The following TENM4 variants were observed in gnomAD, a reference collection of about 807,000 sequenced individuals.
The protein encoded by TENM4 is teneurin-4.
In TENM4, 82 loss-of-function variants were observed where a neutral mutation model predicts 243.3. The ratio of observed to expected loss-of-function variants is 0.34; its 90% CI spans 0.28 to 0.40. TENM4 has a LOEUF of 0.40. Ranked by LOEUF, TENM4 falls within the 10% of genes least tolerant of loss-of-function variation. The pLI is 1.00. For synonymous variants in TENM4, 1,412 were observed against 1,456.3 expected, an observed-to-expected ratio of 0.97 and a Z score of 0.69; for missense variants, 3,138 against 3,673.3, an observed-to-expected ratio of 0.85 and a Z score of 3.77.
At chr11:78,900,724 A>C (rs1855910031) in intron 7 of TENM4, among the ~76,000 whole-genome samples, 1 of 152,144 alleles carries the variant, frequency 6.6e-6, no homozygotes, top group African/African-American at 2.4e-5. Flanking sequence ...GCCAGCTAGT[A>C]AGCGTTAAAG....
At chr11:78,712,310 A>G (rs1859415605) in intron 26 of TENM4, among the ~76,000 whole-genome samples, 172 bp downstream of exon 26, 1 of 152,220 alleles carries the variant, frequency 6.6e-6, no homozygotes, top group African/African-American at 2.4e-5. Context: ...AGAAGACAGG[A>G]AATGTTAACT....
At chr11:78,949,844 C>T (rs1000143921) in intron 6 of TENM4, among the ~76,000 whole-genome samples, 3 of 152,114 alleles carry the variant, frequency 2.0e-5, no homozygotes, top group African/African-American at 7.2e-5. Flanking sequence ...TAGGAAAGCA[C>T]AGTACAGAAC....
At chr11:78,816,851 C>A (rs1204695444) in intron 12 of TENM4, among the ~76,000 whole-genome samples, 1 of 152,156 alleles carries the variant, frequency 6.6e-6, no homozygotes, top group Non-Finnish European at 1.5e-5. Context: ...TCAACTGTTG[C>A]ATGAGGCATA....
chr11:78,676,172 C>G lies in TENM4; in HGVS notation c.5476G>C (p.Val1826Leu). The G allele has an allele frequency of 6.5e-7, 1 of 1,531,014 alleles. No individual in the cohort carries two copies. Among genetic ancestry groups the G allele is most frequent in the Non-Finnish European group, 8.9e-7 (1 of 1,129,356 alleles). 94.8% of individuals were successfully genotyped at this position (1,531,014 alleles called of 1,614,324 possible). A position where few individuals can be genotyped will look rare whatever the true frequency, so the allele number is the denominator to read the frequency against. ...CTCACCCGCAGCCGGCGCCCAAAGA[C>G]AGTGACCTGGCCCCGAGCCTGCTCT... ...RKEQARGQVT[V>L]FGRRLRVHNR... Residue 1826 changes from valine (V) to leucine (L), a missense_variant, in exon 30 of 34, where the codon GTC becomes CTC. Val to Leu is a conservative substitution (Grantham distance 32, BLOSUM62 1). Coordinates refer to ENST00000278550, the MANE Select transcript of TENM4 (RefSeq NM_001098816.3).
At chr11:78,864,167 A>G (rs2136226010) in intron 9 of TENM4, among the ~76,000 whole-genome samples, 1 of 152,284 alleles carries the variant, frequency 6.6e-6, no homozygotes, top group Non-Finnish European at 1.5e-5. Flanking sequence ...AAGGATAGAG[A>G]TACTATGGAT....
At chr11:78,662,049 C>A (rs548643598) in intron 32 of TENM4, among the ~76,000 whole-genome samples, 1 of 152,284 alleles carries the variant, frequency 6.6e-6, no homozygotes, top group Admixed American at 6.5e-5. Flanking sequence ...TCCCACCCTC[C>A]TGTGCAGTAA....
intron 6 of TENM4, among the ~76,000 whole-genome samples, chr11:78,977,908 T>C (rs1430755552): frequency 6.6e-6 from 1 of 152,170 alleles, no homozygotes; most frequent in Non-Finnish European, 1.5e-5. Context: ...TGCATACATA[T>C]GTTTATTGCA....
intron 10 of TENM4, among the ~76,000 whole-genome samples, chr11:78,859,483 C>A (rs1006923292): frequency 3.3e-5 from 5 of 152,170 alleles, no homozygotes; most frequent in African/African-American, 1.2e-4. Context: ...GCAATCATGT[C>A]TATAAAAGAA....
At chr11:78,962,992 G>A (rs1321550735) in intron 6 of TENM4, among the ~76,000 whole-genome samples, 1 of 152,212 alleles carries the variant, frequency 6.6e-6, no homozygotes, top group Non-Finnish European at 1.5e-5. Flanking sequence ...TCTGGAACCT[G>A]CCTAAAAGCA....
chr11:78,952,873 T>C (rs779662677), intron 6 of TENM4, among the ~76,000 whole-genome samples: 11 of 152,180 alleles, frequency 7.2e-5, no homozygotes, highest in Non-Finnish European at 1.3e-4. Context: ...GTCACTGAGA[T>C]AGTGGGGAAA....
At chr11:79,400,152 A>C (rs1858432083) in intron 1 of TENM4, among the ~76,000 whole-genome samples, 1 of 125,428 alleles carries the variant, frequency 8.0e-6, no homozygotes, top group African/African-American at 2.8e-5. Flanking sequence ...CACACCCTCC[A>C]GGATTATTTC....
chr11:79,301,828 G>C (rs963460410), intron 1 of TENM4, among the ~76,000 whole-genome samples: 8 of 152,152 alleles, frequency 5.3e-5, no homozygotes, highest in African/African-American at 1.9e-4. Flanking sequence ...CCAGTCATGT[G>C]AAGTATCGGC....
At chr11:78,826,647 T>C (rs1857858864) in intron 12 of TENM4, among the ~76,000 whole-genome samples, 1 of 152,164 alleles carries the variant, frequency 6.6e-6, no homozygotes, top group African/African-American at 2.4e-5. Context: ...CTGTCCCTTA[T>C]CATCTGGAGT....
intron 7 of TENM4, among the ~76,000 whole-genome samples, chr11:78,897,612 C>T (rs1258865448): frequency 1.3e-5 from 2 of 152,234 alleles, no homozygotes; most frequent in East Asian, 3.9e-4. Context: ...CAACATCAGT[C>T]ATGGTACCTG....
At chr11:79,319,169 A>T (rs1856848358) in intron 1 of TENM4, among the ~76,000 whole-genome samples, 1 of 152,226 alleles carries the variant, frequency 6.6e-6, no homozygotes, top group Non-Finnish European at 1.5e-5. Flanking sequence ...GAGTCATAGA[A>T]CAGTAAGTGG....
intron 6 of TENM4, among the ~76,000 whole-genome samples, chr11:79,039,000 A>T (rs1413246683): frequency 6.6e-6 from 1 of 152,242 alleles, no homozygotes; most frequent in Non-Finnish European, 1.5e-5. Flanking sequence ...TAGCATGCTG[A>T]AGCAAGGGAG....
chr11:78,742,370 T>C (rs775407186), intron 19 of TENM4, among the ~76,000 whole-genome samples: 3 of 152,198 alleles, frequency 2.0e-5, no homozygotes, highest in Non-Finnish European at 4.4e-5. Flanking sequence ...TACTGTGTTA[T>C]GTACCTGCAG....
chr11:78,821,363 G>A (rs1277222623), intron 12 of TENM4, among the ~76,000 whole-genome samples: 1 of 152,126 alleles, frequency 6.6e-6, no homozygotes, highest in East Asian at 1.9e-4. Flanking sequence ...TTATTGTATT[G>A]ATAAACAAAG....
At chr11:78,879,717 G>A (rs919132988) in intron 9 of TENM4, among the ~76,000 whole-genome samples, 2 of 145,488 alleles carry the variant, frequency 1.4e-5, no homozygotes, top group Non-Finnish European at 3.0e-5. Flanking sequence ...ACTGAGGAGC[G>A]CCTCTGCACG....
Sources: allele counts gnomAD v4.1 joint callset (sites outside exome capture counted in the v4.1 genomes callset), GRCh38; gene constraint gnomAD v4.1.1; transcripts MANE v1.5; gene names NCBI Gene and HGNC (gene_info 2026-07-23, HGNC 2026-07-21).